CRISPLD2: variants seen among roughly 807,000 people sequenced by gnomAD.
CRISPLD2 encodes cysteine-rich secretory protein LCCL domain-containing 2.
In CRISPLD2, 47 loss-of-function variants were observed where a neutral mutation model predicts 71.1. That is an observed-to-expected ratio of 0.66 (90% CI 0.52 to 0.84). The LOEUF is 0.84. CRISPLD2 is among the 40% of genes least tolerant of loss of function. The pLI is 0.00. For synonymous variants in CRISPLD2, 317 were observed against 250.1 expected, an observed-to-expected ratio of 1.27 and a Z score of -2.52; for missense variants, 830 against 651.1, an observed-to-expected ratio of 1.27 and a Z score of -2.99.
intron 14 of CRISPLD2, among the ~76,000 whole-genome samples, chr16:84,900,950 T>C (rs2071748011): frequency 1.3e-5 from 2 of 150,506 alleles, no homozygotes; most frequent in African/African-American, 4.9e-5. Context: ...CTGGTGAGGC[T>C]GAGGTGGGAG....
intron 5 of CRISPLD2, among the ~76,000 whole-genome samples, chr16:84,854,151 T>C (rs972017984): frequency 1.3e-4 from 20 of 152,210 alleles, no homozygotes; most frequent in Non-Finnish European, 2.8e-4. Flanking sequence ...CGCCACTTGC[T>C]TGTCCTGTGA....
chr16:84,872,604 T>C (rs1213890457), intron 9 of CRISPLD2, 96 bp downstream of exon 9: 2 of 1,086,348 alleles, frequency 1.8e-6, no homozygotes, highest in Non-Finnish European at 1.4e-6. Flanking sequence ...AGATTTTCTT[T>C]CCACTCCTTA....
At chr16:84,878,492 C>T (rs182558911) in intron 12 of CRISPLD2, among the ~76,000 whole-genome samples, 14 of 152,296 alleles carry the variant, frequency 9.2e-5, no homozygotes, top group Admixed American at 3.9e-4. Context: ...GAGACTCAGC[C>T]GTGTTGTGGA....
chr16:84,868,117 C>G (rs762352823), intron 7 of CRISPLD2, among the ~76,000 whole-genome samples: 75 of 152,206 alleles, frequency 4.9e-4, no homozygotes, highest in Non-Finnish European at 7.3e-4. Context: ...CAGAGCCCCT[C>G]TCTTCTTTTC....
At chr16:84,846,365 G>T (rs550016472) in intron 3 of CRISPLD2, among the ~76,000 whole-genome samples, 3 of 151,968 alleles carry the variant, frequency 2.0e-5, no homozygotes, top group Non-Finnish European at 4.4e-5. Context: ...TGATTCTCGA[G>T]CCTCAGCCTC....
intron 8 of CRISPLD2, among the ~76,000 whole-genome samples, chr16:84,871,025 C>G (rs974147377): frequency 6.6e-6 from 1 of 152,090 alleles, no homozygotes; most frequent in African/African-American, 2.4e-5. Flanking sequence ...CTGGTGCACT[C>G]TGGCCTGGGT....
At chr16:84,879,906 G>A (rs527238660) in intron 12 of CRISPLD2, among the ~76,000 whole-genome samples, 10 of 152,148 alleles carry the variant, frequency 6.6e-5, no homozygotes, top group South Asian at 2.1e-4. Context: ...AGTAAAGCCC[G>A]TGCTCTTTCC....
chr16:84,842,481 C>G (rs931791199), intron 2 of CRISPLD2, among the ~76,000 whole-genome samples: 1 of 151,302 alleles, frequency 6.6e-6, no homozygotes, highest in African/African-American at 2.4e-5. Context: ...TCAAGCGACT[C>G]TCCTGCCTCA....
chr16:84,891,795 A>T (rs183703199), intron 14 of CRISPLD2, among the ~76,000 whole-genome samples: 85 of 152,082 alleles, frequency 5.6e-4, no homozygotes, highest in South Asian at 3.9e-3. Context: ...AAGGCCCCCG[A>T]AGCAGCTTTC....
Position 84,823,222 on chromosome 16 carries a change from T to C in CRISPLD2, c.-75+3089T>C, listed in dbSNP as rs28366960. 3.6e-3 allele frequency among the ~76,000 whole-genome samples: 548 copies of C among 152,326 alleles called. 7 individuals are homozygous for C. Among genetic ancestry groups the C allele is most frequent in the African/African-American group, 0.012 (514 of 41,572 alleles). ...TTTTTTATGGCTGAGTAATATTCCA[T>C]TGCATTAATAGACCACGTTTTGTTT... On this transcript the variant is annotated intron_variant, in intron 1 of 14. Transcript: ENST00000262424.
chr16:84,888,034 A>T (rs771165043), intron 13 of CRISPLD2, among the ~76,000 whole-genome samples: 23 of 152,244 alleles, frequency 1.5e-4, no homozygotes, highest in Non-Finnish European at 3.2e-4. Context: ...ATCACCACAG[A>T]CGTGGTGGCT....
intron 13 of CRISPLD2, among the ~76,000 whole-genome samples, chr16:84,884,169 T>C (rs991904173): frequency 6.6e-6 from 1 of 152,148 alleles, no homozygotes; most frequent in African/African-American, 2.4e-5. Context: ...ACAGTAACCC[T>C]CTTCTTCCTC....
At chr16:84,853,714 C>A (rs1391551164) in intron 5 of CRISPLD2, among the ~76,000 whole-genome samples, 1 of 152,256 alleles carries the variant, frequency 6.6e-6, no homozygotes, top group East Asian at 1.9e-4. Flanking sequence ...CCGCACAAGC[C>A]TGTGGATTTC....
At chr16:84,848,690 C>T (rs1245802176) in intron 3 of CRISPLD2, among the ~76,000 whole-genome samples, 1 of 152,200 alleles carries the variant, frequency 6.6e-6, no homozygotes, top group Non-Finnish European at 1.5e-5. Context: ...ATCCTACCGC[C>T]TCAGCCTCCC....
intron 2 of CRISPLD2, among the ~76,000 whole-genome samples, chr16:84,845,399 TG>T (rs1204313093): frequency 6.6e-6 from 1 of 152,128 alleles, no homozygotes; most frequent in Non-Finnish European, 1.5e-5. Context: ...GAGAGGAGAC[TG>T]GGGTCATCGG....
chr16:84,863,517 A>T (rs1917446586), intron 6 of CRISPLD2, among the ~76,000 whole-genome samples: 1 of 152,204 alleles, frequency 6.6e-6, no homozygotes, highest in Non-Finnish European at 1.5e-5. Context: ...GTGGTGATAG[A>T]AGGCGCAGGC....
intron 14 of CRISPLD2, among the ~76,000 whole-genome samples, chr16:84,898,455 T>TC (rs1487462919): frequency 3.3e-5 from 5 of 152,110 alleles, no homozygotes; most frequent in Non-Finnish European, 7.4e-5. Context: ...CATGCACACC[T>TC]CAGTGCTTTT....
intron 13 of CRISPLD2, 156 bp downstream of exon 13, chr16:84,880,740 C>T: frequency 3.7e-6 from 2 of 546,458 alleles, no homozygotes; most frequent in Non-Finnish European, 6.4e-6. Context: ...GAGTCTTACT[C>T]TGTTGCCCAG....
intron 1 of CRISPLD2, among the ~76,000 whole-genome samples, chr16:84,836,820 A>G (rs949400648): frequency 1.2e-4 from 19 of 152,070 alleles, no homozygotes; most frequent in Non-Finnish European, 2.6e-4. Context: ...GGTGAAGACC[A>G]GGGAGGACTC....
Sources: gnomAD v4.1 joint callset for allele counts (sites outside exome capture counted in the v4.1 genomes callset) on GRCh38, gnomAD v4.1.1 for gene constraint, MANE v1.5 for transcripts, NCBI Gene and HGNC (gene_info 2026-07-23, HGNC 2026-07-21) for gene names.